Variants in HP1BP3 observed in about 807,000 individuals in gnomAD.
The protein encoded by HP1BP3 is heterochromatin protein 1 binding protein 3.
HP1BP3 carries 12 observed loss-of-function variants against 62.5 expected under a neutral mutation model. That is an observed-to-expected ratio of 0.19 (90% CI 0.12 to 0.31). The LOEUF (loss-of-function observed/expected upper bound fraction) is 0.31. HP1BP3 is among the 10% of genes least tolerant of loss of function. The pLI, the probability that HP1BP3 is intolerant of heterozygous loss-of-function variation, is 1.00. For missense variants in HP1BP3, 502 were observed against 651.8 expected, an observed-to-expected ratio of 0.77 and a Z score of 2.50; for synonymous variants, 260 against 237.8, an observed-to-expected ratio of 1.09 and a Z score of -0.86.
At chr1:20,753,760 C>T (rs2055923071) in intron 9 of HP1BP3, among the ~76,000 whole-genome samples, 1 of 152,146 alleles carries the variant, frequency 6.6e-6, no homozygotes, top group Admixed American at 6.6e-5. Flanking sequence ...GAACAAAGGA[C>T]ACAAACCACA....
At chr1:20,761,866 AAAT>A (rs1456942427) in intron 8 of HP1BP3, among the ~76,000 whole-genome samples, 1 of 152,204 alleles carries the variant, frequency 6.6e-6, no homozygotes, top group African/African-American at 2.4e-5. Flanking sequence ...CAAGTGAAGA[AAAT>A]GTTTCAAGCA....
chr1:20,753,920 G>C (rs2055933711), intron 9 of HP1BP3, among the ~76,000 whole-genome samples: 1 of 152,182 alleles, frequency 6.6e-6, no homozygotes, highest in African/African-American at 2.4e-5. Flanking sequence ...AACTTGTGAA[G>C]GACTGAATGC....
At chr1:20,755,629 T>C (rs2056059498) in intron 9 of HP1BP3, among the ~76,000 whole-genome samples, 1 of 152,100 alleles carries the variant, frequency 6.6e-6, no homozygotes. Flanking sequence ...TCTTAGAACA[T>C]AAATTTACCA....
chr1:20,767,517 T>C (rs1474558130), intron 7 of HP1BP3, 67 bp downstream of exon 7: 2 of 1,019,890 alleles, frequency 2.0e-6, no homozygotes, highest in African/African-American at 3.2e-5. Flanking sequence ...AAACACTCAA[T>C]GAATGTTGCT....
At chr1:20,762,900 T>C (rs2056566398) in intron 8 of HP1BP3, among the ~76,000 whole-genome samples, 1 of 152,182 alleles carries the variant, frequency 6.6e-6, no homozygotes, top group Middle Eastern at 3.2e-3. Flanking sequence ...TCAGATATTT[T>C]GGGGTCACAC....
rs182978967 is a variant in HP1BP3, at chr1:20,755,448, G to A, written c.981+1718C>T. 21 of 427,232 alleles carry A rather than the reference G, an allele frequency of 4.9e-5. No individual in the cohort carries two copies. In the East Asian group the frequency reaches 9.3e-4, roughly 19 times the overall value. The allele number at this position is 427,232 out of a possible 1,614,324, so 26.5% of individuals were successfully genotyped here. On this transcript the variant is annotated intron_variant, in intron 9 of 12. Transcript: ENST00000438032. ...TTAATCAGGCATGGTGGTGGTGCAC[G>A]CCTATAATCCCAGCTATTAGGGAGG...
At chr1:20,785,781 T>C (rs974387178) in intron 1 of HP1BP3, among the ~76,000 whole-genome samples, 1 of 152,200 alleles carries the variant, frequency 6.6e-6, no homozygotes. Flanking sequence ...CCAGCAAACT[T>C]TAAAATGTTA....
Position 20,754,637 on chromosome 1 carries a change from C to G in HP1BP3, c.981+2529G>C, listed in dbSNP as rs144569964. Among the ~76,000 whole-genome samples the G allele has an allele frequency of 4.6e-3, 707 of 152,156 alleles. 5 individuals are homozygous for G. Among genetic ancestry groups the G allele is most frequent in the African/African-American group, 0.016 (672 of 41,508 alleles). On this transcript the variant is annotated intron_variant, in intron 9 of 12. Coordinates refer to ENST00000438032, the MANE Select transcript of HP1BP3 (RefSeq NM_001372052.1). Reference sequence around the variant, plus strand: ...AGTATTAGCATGAAGGATACACCTACAGAACAAAAGAGAACTCAGAATCCG... The same window carrying G: ...AGTATTAGCATGAAGGATACACCTAGAGAACAAAAGAGAACTCAGAATCCG...
At chr1:20,745,200 G>A (rs1021713903) in intron 12 of HP1BP3, 109 bp from the exon 13 acceptor site, 113 of 1,244,666 alleles carry the variant, frequency 9.1e-5, no homozygotes, top group Non-Finnish European at 1.1e-4. Flanking sequence ...GGTCACTTAC[G>A]TTAAGAATAG....
rs1217512127 is a variant in HP1BP3, at chr1:20,763,786, C to T, written c.890+1591G>A. ...AACAAAATTATCTCAGAATTTTATGCTGCATGTTTAAATGATGGAAACATT... is the reference window on the plus strand; with the variant it reads ...AACAAAATTATCTCAGAATTTTATGTTGCATGTTTAAATGATGGAAACATT... On this transcript the variant is annotated intron_variant, in intron 8 of 12. Coordinates refer to ENST00000438032, the MANE Select transcript of HP1BP3 (RefSeq NM_001372052.1). 2.6e-5 allele frequency among the ~76,000 whole-genome samples: 4 copies of T among 152,176 alleles called. No homozygotes were observed. In the East Asian group the frequency reaches 7.7e-4, roughly 29 times the overall value.
chr1:20,746,256 G>C (rs2055327851), intron 11 of HP1BP3, among the ~76,000 whole-genome samples: 1 of 145,308 alleles, frequency 6.9e-6, no homozygotes, highest in Non-Finnish European at 1.5e-5. Context: ...ACAGGGTCTT[G>C]CTATGCTGCC....
Position 20,755,835 on chromosome 1 carries a change from T to C in HP1BP3, c.981+1331A>G, listed in dbSNP as rs186189616. Among the ~76,000 whole-genome samples the C allele has an allele frequency of 1.6e-3, 244 of 152,296 alleles. 1 individual carries two copies. The highest frequency in any genetic ancestry group is 3.0e-3 in the Non-Finnish European group (201 of 68,016). On this transcript the variant is annotated intron_variant, in intron 9 of 12. Coordinates refer to ENST00000438032, the MANE Select transcript of HP1BP3 (RefSeq NM_001372052.1). ...AAAAAAGAATGAAAGCACTGGTACA[T>C]GCTGCAACGTGGATAAAATTCAAAA...
intron 1 of HP1BP3, among the ~76,000 whole-genome samples, chr1:20,784,689 G>A (rs1287616450): frequency 6.6e-6 from 1 of 151,998 alleles, no homozygotes; most frequent in Non-Finnish European, 1.5e-5. Flanking sequence ...TGTTAGCCAG[G>A]ATGGTCTCGA....
In HP1BP3 at chr1:20,776,125, T is replaced by A. The variant is rs573331580; in HGVS notation, c.350+472A>T. ...TCAAAGCCAATTCTTCAACTGAATA[T>A]TTCATCAAACATATATAGACTTTTA... On this transcript the variant is annotated intron_variant, in intron 4 of 12. Transcript: ENST00000438032. The A allele has an allele frequency of 2.5e-5, 22 of 890,818 alleles. No homozygotes were observed. The South Asian group carries it at 4.4e-4, about 18-fold the overall frequency. The allele number at this position is 890,818 out of a possible 1,614,324, so 55.2% of individuals were successfully genotyped here.
At position 20,780,472 on chromosome 1, in the gene HP1BP3, A is replaced by G. The variant is rs774730469; in HGVS notation, c.-32T>C. 2.1e-6 allele frequency: 3 copies of G among 1,451,098 alleles called. No homozygotes were observed. Among genetic ancestry groups the G allele is most frequent in the Non-Finnish European group, 2.9e-6 (3 of 1,031,644 alleles). 89.9% of individuals were successfully genotyped at this position (1,451,098 alleles called of 1,614,324 possible). On this transcript the variant is annotated 5_prime_UTR_variant, in exon 2 of 13. Coordinates refer to ENST00000438032, the MANE Select transcript of HP1BP3 (RefSeq NM_001372052.1). ...TAATTTCTAGGCCCGAGTACAGGTT[A>G]CACTCTGAAGCCTCTGCTGTTAACC...
At chr1:20,774,343 AACACACACAC>A (rs36067015) in intron 4 of HP1BP3, 1 of 148,642 alleles carries the variant, frequency 6.7e-6, no homozygotes, top group Non-Finnish European at 1.5e-5. Flanking sequence ...ATCTCCATTA[AACACACACAC>A]ACACACACAA....
In HP1BP3 at chr1:20,741,643, T is replaced by C. The variant is rs1019312698; in HGVS notation, c.*3154A>G. 2.0e-5 allele frequency among the ~76,000 whole-genome samples: 3 copies of C among 152,212 alleles called. No individual in the cohort carries two copies. The highest frequency in any genetic ancestry group is 6.5e-5 in the Admixed American group (1 of 15,292). ...GAAAGGTCTCCACATTTCTCAACAATAGTATCTTTCCTTCCTCATTTTGTA... is the reference window on the plus strand; with the variant it reads ...GAAAGGTCTCCACATTTCTCAACAACAGTATCTTTCCTTCCTCATTTTGTA... On this transcript the variant is annotated 3_prime_UTR_variant, in exon 13 of 13. Coordinates refer to ENST00000438032, the MANE Select transcript of HP1BP3 (RefSeq NM_001372052.1).
In HP1BP3 at chr1:20,761,072, C is replaced by A. The variant is rs539682232; in HGVS notation, c.891-3816G>T. ...TTTATTTATTTATTTGGAGACGGAGCCTCACTCTGTCGCCCAGGCTGGAGT... is the reference window on the plus strand; with the variant it reads ...TTTATTTATTTATTTGGAGACGGAGACTCACTCTGTCGCCCAGGCTGGAGT... On this transcript the variant is annotated intron_variant, in intron 8 of 12. Transcript: ENST00000438032. 1.1e-4 allele frequency among the ~76,000 whole-genome samples: 17 copies of A among 152,004 alleles called. No homozygotes were observed. In the East Asian group the frequency reaches 2.9e-3, roughly 26 times the overall value.
intron 10 of HP1BP3, 34 bp downstream of exon 10, chr1:20,749,689 T>G (rs1304477004): frequency 6.3e-7 from 1 of 1,581,378 alleles, no homozygotes; most frequent in Admixed American, 1.8e-5. Context: ...AAAATTCTCC[T>G]AATCCCAGTT....
Sources: gnomAD v4.1 joint callset for allele counts (sites outside exome capture counted in the v4.1 genomes callset) on GRCh38, gnomAD v4.1.1 for gene constraint, MANE v1.5 for transcripts, NCBI Gene and HGNC (gene_info 2026-07-23, HGNC 2026-07-21) for gene names.